The following TGIF1 variants were observed in gnomAD, a reference collection of about 807,000 sequenced individuals.
TGIF1 encodes the protein TGFB induced factor homeobox 1, also known as homeobox protein TGIF1.
Under a neutral mutation model 19.3 loss-of-function variants are expected in TGIF1, and 4 were observed. That is an observed-to-expected ratio of 0.21 (90% CI 0.10 to 0.47). The LOEUF is 0.47. TGIF1 is among the 20% of genes least tolerant of loss of function. The pLI is 0.98. For missense variants in TGIF1, 275 were observed against 341.4 expected (o/e 0.81, Z 1.53); for synonymous variants, 122 against 129.3 (o/e 0.94, Z 0.38).
intron 2 of TGIF1, among the ~76,000 whole-genome samples, chr18:3,442,185 T>C (rs1248942823): frequency 6.6e-6 from 1 of 152,212 alleles, no homozygotes; most frequent in Non-Finnish European, 1.5e-5. Flanking sequence ...GTTTTAAAGT[T>C]TTCTTTATAA....
At chr18:3,452,337 G>C (rs2082991159) in intron 1 of TGIF1, 1 of 1,613,292 alleles carries the variant, frequency 6.2e-7, no homozygotes, top group Middle Eastern at 1.7e-4. Flanking sequence ...ATCCCAGGGC[G>C]CACAGGGTCC....
At chr18:3,433,262 C>T (rs1039078665) in intron 2 of TGIF1, among the ~76,000 whole-genome samples, 4 of 151,632 alleles carry the variant, frequency 2.6e-5, no homozygotes, top group African/African-American at 7.3e-5. Flanking sequence ...TTGGTAGAGA[C>T]GGGATTTCCC....
In TGIF1 at chr18:3,451,906, G is replaced by T. The variant is rs2082953255; in HGVS notation, c.16+1401G>T. On this transcript the variant is annotated intron_variant, in intron 1 of 2. Coordinates refer to ENST00000343820, the MANE Select transcript of TGIF1 (RefSeq NM_003244.4). This position sits in a 1 kb window ranked among gnomAD's most constrained non-coding sequence, Gnocchi z 5.4. The stretch of plus-strand genomic sequence containing the variant: ...AGCCGTGCCGACCCTTGGGAGGACT[G>T]ACAGGTCTAGAGACACGCGCTGTCT... 6.7e-7 allele frequency: 1 copy of T among 1,502,296 alleles called. No homozygotes were observed. The highest frequency in any genetic ancestry group is 2.3e-5 in the East Asian group (1 of 43,276). 93.1% of individuals were successfully genotyped at this position (1,502,296 alleles called of 1,614,324 possible). A position where few individuals can be genotyped will look rare whatever the true frequency, so the allele number is the denominator to read the frequency against.
chr18:3,429,494 A>G (rs1331304020), intron 2 of TGIF1, among the ~76,000 whole-genome samples: 1 of 152,166 alleles, frequency 6.6e-6, no homozygotes, highest in Non-Finnish European at 1.5e-5. Context: ...TTGCTAATGG[A>G]AAGATTCAAA....
Position 3,450,228 on chromosome 18 carries a change from G to A in TGIF1, c.-262G>A. On this transcript the variant is annotated 5_prime_UTR_variant, in exon 1 of 3. Coordinates refer to ENST00000343820, the MANE Select transcript of TGIF1 (RefSeq NM_003244.4). ...AGCAGGGAACAAAGGAGCGGAGAGG[G>A]GAGGGGAGAGAGTTGGGCGAGGGAG... is the stretch of plus-strand genomic sequence containing the variant. The A allele has an allele frequency of 7.1e-7, 1 of 1,417,604 alleles. No individual in the cohort carries two copies. The highest frequency in any genetic ancestry group is 9.2e-7 in the Non-Finnish European group (1 of 1,089,828). 87.8% of individuals were successfully genotyped at this position (1,417,604 alleles called of 1,614,324 possible).
intron 2 of TGIF1, among the ~76,000 whole-genome samples, chr18:3,444,089 C>A (rs1233908248): frequency 1.3e-5 from 2 of 151,468 alleles, no homozygotes; most frequent in East Asian, 3.9e-4. Flanking sequence ...CGCGTGCCAC[C>A]ACTGTGCCAC....
intron 2 of TGIF1, among the ~76,000 whole-genome samples, chr18:3,427,365 C>A (rs1440129285): frequency 6.6e-6 from 1 of 151,630 alleles, no homozygotes; most frequent in Non-Finnish European, 1.5e-5. Context: ...AATTTCGGGA[C>A]ACTGCAACCT....
chr18:3,453,797 T>G, intron 1 of TGIF1: 1 of 985,010 alleles, frequency 1.0e-6, no homozygotes, highest in Non-Finnish European at 1.2e-6. Flanking sequence ...TGTATGTGGA[T>G]AGCGTGAAAG....
chr18:3,453,287 C>T (rs2083045668), intron 1 of TGIF1, among the ~76,000 whole-genome samples: 1 of 152,096 alleles, frequency 6.6e-6, no homozygotes, highest in Non-Finnish European at 1.5e-5. Context: ...TTTGCTTTTT[C>T]CTAATTGTGC....
rs901554069 is a variant in TGIF1 at position 3,453,914 on chromosome 18, T to A, written c.17-2440T>A. On this transcript the variant is annotated intron_variant, in intron 1 of 2. Transcript: ENST00000343820. Reference sequence around the variant, plus strand: ...TAACCGGGAAACTTTTCAAAAGCGCTGTTACAATAGGAAATGAGTAAGGAG... The same window carrying A: ...TAACCGGGAAACTTTTCAAAAGCGCAGTTACAATAGGAAATGAGTAAGGAG... The A allele has an allele frequency of 9.2e-6, 8 of 869,606 alleles. No homozygotes were observed. In the Admixed American group the frequency reaches 4.3e-4, roughly 47 times the overall value. The allele number at this position is 869,606 out of a possible 1,614,324, so 53.9% of individuals were successfully genotyped here. A position where few individuals can be genotyped will look rare whatever the true frequency, so the allele number is the denominator to read the frequency against.
rs993418766 is a variant in TGIF1, at chr18:3,459,569, C to A, written c.*1629C>A. 6.6e-6 allele frequency: 1 copy of A among 152,128 alleles called. No individual in the cohort carries two copies. The highest frequency in any genetic ancestry group is 2.4e-5 in the African/African-American group (1 of 41,418). 9.4% of individuals were successfully genotyped at this position (152,128 alleles called of 1,614,324 possible). A position where few individuals can be genotyped will look rare whatever the true frequency, so the allele number is the denominator to read the frequency against. On this transcript the variant is annotated 3_prime_UTR_variant, in exon 3 of 3. Transcript: ENST00000343820. ...AATAAACATTAATAAAAATGAATGA[C>A]GCAAAGGTGATCCAGAATCATTACT...
Position 3,451,915 on chromosome 18 carries a change from A to G in TGIF1, c.16+1410A>G. On this transcript the variant is annotated intron_variant, in intron 1 of 2. Transcript: ENST00000343820. The surrounding 1 kb of genome is among the most constrained non-coding windows in gnomAD (Gnocchi z 5.4). ...GACCCTTGGGAGGACTGACAGGTCT[A>G]GAGACACGCGCTGTCTGTTGTGGTG... is the stretch of plus-strand genomic sequence containing the variant. 1 of 1,529,552 alleles carries G rather than the reference A, an allele frequency of 6.5e-7. No homozygotes were observed. The allele number at this position is 1,529,552 out of a possible 1,614,324, so 94.7% of individuals were successfully genotyped here.
At chr18:3,454,960 T>C (rs972735461) in intron 1 of TGIF1, among the ~76,000 whole-genome samples, 1 of 152,138 alleles carries the variant, frequency 6.6e-6, no homozygotes, top group Non-Finnish European at 1.5e-5. Flanking sequence ...AAACACGGTG[T>C]TTAGCTTAAG....
chr18:3,417,522 T>C (rs1479757527), intron 1 of TGIF1, among the ~76,000 whole-genome samples: 1 of 152,218 alleles, frequency 6.6e-6, no homozygotes, highest in Non-Finnish European at 1.5e-5. Flanking sequence ...ACGTTCATGA[T>C]ACACTGTTAG....
chr18:3,453,919 C>A (rs1357121398), intron 1 of TGIF1: 3 of 831,598 alleles, frequency 3.6e-6, no homozygotes, highest in Admixed American at 6.2e-5. Context: ...AGCGCTGTTA[C>A]AATAGGAAAT....
chr18:3,442,624 C>A (rs891513575), intron 2 of TGIF1, among the ~76,000 whole-genome samples: 1 of 152,154 alleles, frequency 6.6e-6, no homozygotes, highest in African/African-American at 2.4e-5. Context: ...AGTAGCTCAA[C>A]TTGTAATCCA....
intron 2 of TGIF1, among the ~76,000 whole-genome samples, chr18:3,432,624 A>C (rs976875774): frequency 1.3e-5 from 2 of 152,238 alleles, no homozygotes; most frequent in Admixed American, 6.5e-5. Flanking sequence ...AATAAAAGAC[A>C]TATATGGGAA....
chr18:3,414,877 C>T lies in TGIF1; in HGVS notation c.-118+2623C>T, dbSNP rs567846129. Among the ~76,000 whole-genome samples the T allele has an allele frequency of 5.3e-5, 8 of 152,206 alleles. No homozygotes were observed. In the South Asian group the frequency reaches 6.2e-4, roughly 12 times the overall value. Reference sequence around the variant, plus strand: ...TGGGAAAAGTAAAGAGACCTCTCCTCCCCATGTCTCTAAAAAATAAAAATA... The same window carrying T: ...TGGGAAAAGTAAAGAGACCTCTCCTTCCCATGTCTCTAAAAAATAAAAATA... On this transcript the variant is annotated intron_variant, in intron 1 of 3. Coordinates refer to the TGIF1 transcript ENST00000401449.
At chr18:3,445,196 T>G (rs1439346345), upstream of TGIF1, among the ~76,000 whole-genome samples, 1 of 152,116 alleles carries the variant, frequency 6.6e-6, no homozygotes, top group Non-Finnish European at 1.5e-5. Context: ...CTCTAAGAAG[T>G]AACATTTAGG....
Sources: gnomAD v4.1 joint callset for allele counts (sites outside exome capture counted in the v4.1 genomes callset) on GRCh38, gnomAD v4.1.1 for gene constraint, Gnocchi (gnomAD v3.1) non-coding constraint, MANE v1.5 for transcripts, NCBI Gene and HGNC (gene_info 2026-07-23, HGNC 2026-07-21) for gene names.